SLCO3A1: variants seen among roughly 807,000 people sequenced by gnomAD.
SLCO3A1 encodes PGE1 transporter.
SLCO3A1 carries 27 observed loss-of-function variants against 63.1 expected under a neutral mutation model. The ratio of observed to expected loss-of-function variants is 0.43; its 90% CI spans 0.32 to 0.59. The LOEUF (loss-of-function observed/expected upper bound fraction) is 0.59, where lower values mean the gene tolerates loss of function less well. Ranked by LOEUF, SLCO3A1 falls within the 20% of genes least tolerant of loss-of-function variation. The probability of loss-of-function intolerance (pLI) is 0.09; values close to 1 mark genes in which losing one functional copy is unlikely to be tolerated. For synonymous variants in SLCO3A1, 473 were observed against 409.9 expected (o/e 1.15, Z -1.86); for missense variants, 773 against 945.8 (o/e 0.82, Z 2.40).
At chr15:92,031,108 G>T (rs376588343) in intron 2 of SLCO3A1, among the ~76,000 whole-genome samples, 1 of 152,072 alleles carries the variant, frequency 6.6e-6, no homozygotes, top group Non-Finnish European at 1.5e-5. Context: ...TGTTCTGCAC[G>T]CATTTCTGGT....
intron 7 of SLCO3A1, among the ~76,000 whole-genome samples, chr15:92,134,934 G>A (rs1350062264): frequency 1.3e-5 from 2 of 151,944 alleles, no homozygotes; most frequent in Non-Finnish European, 2.9e-5. Context: ...GGGATGGGGT[G>A]AATGAGACCC....
chr15:92,155,727 AT>A (rs111289712), intron 9 of SLCO3A1, among the ~76,000 whole-genome samples: 7 of 152,014 alleles, frequency 4.6e-5, no homozygotes, highest in African/African-American at 7.3e-5. Context: ...ATCTATTGAG[AT>A]CCCCCCAACC....
At chr15:91,975,129 G>C (rs955195581) in intron 2 of SLCO3A1, among the ~76,000 whole-genome samples, 1 of 152,218 alleles carries the variant, frequency 6.6e-6, no homozygotes, top group Non-Finnish European at 1.5e-5. Flanking sequence ...AATTCTCAGA[G>C]TTAACCAGTG....
At chr15:92,084,848 C>A (rs537604840) in intron 2 of SLCO3A1, among the ~76,000 whole-genome samples, 10 of 152,304 alleles carry the variant, frequency 6.6e-5, no homozygotes, top group Admixed American at 4.6e-4. Context: ...CAGCATGCAC[C>A]ACCATAGCCA....
intron 4 of SLCO3A1, among the ~76,000 whole-genome samples, chr15:92,111,886 GT>G (rs2047733385): frequency 1.3e-5 from 2 of 152,182 alleles, no homozygotes; most frequent in African/African-American, 4.8e-5. Context: ...TGGGGAAATG[GT>G]TACATGGCCA....
chr15:91,903,890 A>T (rs977525330), intron 1 of SLCO3A1, among the ~76,000 whole-genome samples: 6 of 152,154 alleles, frequency 3.9e-5, no homozygotes, highest in African/African-American at 1.4e-4. Flanking sequence ...TGTTGAATTG[A>T]AGTTGTTGTT....
intron 2 of SLCO3A1, among the ~76,000 whole-genome samples, chr15:92,037,118 T>C (rs139456557): frequency 4.6e-5 from 7 of 152,312 alleles, no homozygotes; most frequent in Admixed American, 2.6e-4. Flanking sequence ...TCAGTTGTAT[T>C]CTATAAGCCC....
At chr15:92,024,612 A>T (rs1470309280) in intron 2 of SLCO3A1, among the ~76,000 whole-genome samples, 1 of 152,158 alleles carries the variant, frequency 6.6e-6, no homozygotes, top group East Asian at 1.9e-4. Context: ...AGTCATGGGG[A>T]TACAGCTTTC....
chr15:92,060,546 C>T (rs1314052408), intron 2 of SLCO3A1, among the ~76,000 whole-genome samples: 3 of 151,736 alleles, frequency 2.0e-5, no homozygotes, highest in South Asian at 4.2e-4. Context: ...GTCACCCAGG[C>T]TGGAGTGCAG....
At chr15:92,169,030 A>T (rs2048507884), downstream of SLCO3A1, among the ~76,000 whole-genome samples, 1 of 152,222 alleles carries the variant, frequency 6.6e-6, no homozygotes, top group Non-Finnish European at 1.5e-5. Context: ...CCCTAAAGTT[A>T]ACAGATATGC....
chr15:91,916,839 A>C lies in SLCO3A1; in HGVS notation c.646+381A>C, dbSNP rs1898679373. On this transcript the variant is annotated intron_variant, in intron 2 of 9. Coordinates refer to ENST00000318445, the MANE Select transcript of SLCO3A1 (RefSeq NM_013272.4). This position sits in a 1 kb window ranked among gnomAD's most constrained non-coding sequence, Gnocchi z 6.2. ...ACATTGGAAACTCCAGCTTTGAAGA[A>C]TCAGAATGATGTCCTGGTCATTGTC... Among the ~76,000 whole-genome samples, 1 of 152,186 alleles carries C rather than the reference A, an allele frequency of 6.6e-6. No homozygotes were observed. The highest frequency in any genetic ancestry group is 2.1e-4 in the South Asian group (1 of 4,826).
rs1003187964 is a variant in SLCO3A1, at chr15:91,961,622, G to C, written c.646+45164G>C. ...ATCCTACCTCAGGGCCTTTGCACTT[G>C]CTCTCTGGCTTCATTCAGGCCCCTG... On this transcript the variant is annotated intron_variant, in intron 2 of 9. Transcript: ENST00000318445. 3.9e-5 allele frequency among the ~76,000 whole-genome samples: 6 copies of C among 152,184 alleles called. 1 individual carries two copies. Among genetic ancestry groups the C allele is most frequent in the Middle Eastern group, 6.4e-3 (2 of 314 alleles).
At chr15:92,071,927 T>G (rs1456116769) in intron 2 of SLCO3A1, among the ~76,000 whole-genome samples, 1 of 152,210 alleles carries the variant, frequency 6.6e-6, no homozygotes, top group Admixed American at 6.5e-5. Flanking sequence ...TAACTTGCAC[T>G]AGAACCTAAG....
intron 2 of SLCO3A1, among the ~76,000 whole-genome samples, chr15:92,048,101 C>G (rs2046912041): frequency 6.6e-6 from 1 of 152,120 alleles, no homozygotes; most frequent in African/African-American, 2.4e-5. Context: ...TCCATAGGAA[C>G]TGCTTCTCTG....
At position 92,153,118 on chromosome 15, in the gene SLCO3A1, A is replaced by T. The variant is rs116510396; in HGVS notation, c.1753+2104A>T. On this transcript the variant is annotated intron_variant, in intron 9 of 9. Coordinates refer to ENST00000318445, the MANE Select transcript of SLCO3A1 (RefSeq NM_013272.4). ...ATATCTGTATGTCTGCCCCAGGAAT[A>T]ATCAACCAGGTATTACCTAGAATAG... is the stretch of plus-strand genomic sequence containing the variant. 9.8e-3 allele frequency among the ~76,000 whole-genome samples: 1,497 copies of T among 152,330 alleles called. 21 individuals are homozygous for T. Among genetic ancestry groups the T allele is most frequent in the African/African-American group, 0.034 (1,431 of 41,558 alleles).
intron 1 of SLCO3A1, among the ~76,000 whole-genome samples, chr15:91,881,333 T>C (rs1208980061): frequency 2.0e-5 from 3 of 151,942 alleles, no homozygotes; most frequent in Non-Finnish European, 4.4e-5. Context: ...ACTGGTCATG[T>C]GACAGAATTT....
intron 3 of SLCO3A1, among the ~76,000 whole-genome samples, chr15:92,104,011 G>A (rs79447600): frequency 0.036 from 5,433 of 152,306 alleles, 106 homozygotes; most frequent in Admixed American, 0.05. Context: ...TTCAGAGAAC[G>A]TCTGGCTTCT....
At position 92,163,094 on chromosome 15, in the gene SLCO3A1, G is replaced by A; in HGVS notation, c.2092G>A (p.Glu698Lys). The A allele has an allele frequency of 6.5e-7, 1 of 1,540,136 alleles. No homozygotes were observed. The highest frequency in any genetic ancestry group is 8.7e-7 in the Non-Finnish European group (1 of 1,145,436). Residue 698 changes from glutamate (E) to lysine (K), a missense_variant, in exon 10 of 10, where the codon GAA (glutamate) becomes AAA (lysine). This residue lies in a region of SLCO3A1 where 139 missense variants were observed against 131.4 expected (regional missense o/e 1.06). Transcript: ENST00000318445. Reference protein sequence around the residue: ...THRTKFIYNLEDHEWCENMES... With the variant: ...THRTKFIYNLKDHEWCENMES... The stretch of plus-strand genomic sequence containing the variant: ...TAGGACAAAGTTTATCTATAACCTG[G>A]AAGACCATGAGTGGTGTGAAAACAT...
chr15:92,161,090 A>G (rs1284460546), intron 9 of SLCO3A1, among the ~76,000 whole-genome samples: 1 of 152,224 alleles, frequency 6.6e-6, no homozygotes, highest in Non-Finnish European at 1.5e-5. Context: ...AGACAGAGGT[A>G]TAGAGGCCCT....
Sources: allele counts gnomAD v4.1 joint callset (sites outside exome capture counted in the v4.1 genomes callset), GRCh38; gene constraint gnomAD v4.1.1; regional missense constraint gnomAD v4.1.1; non-coding constraint Gnocchi (gnomAD v3.1); transcripts MANE v1.5; gene names NCBI Gene and HGNC (gene_info 2026-07-23, HGNC 2026-07-21).